SHISA9: variants seen among roughly 807,000 people sequenced by gnomAD.
The protein encoded by SHISA9 is shisa family member 9, also known as protein shisa-9.
A neutral mutation model predicts 38.0 loss-of-function variants in SHISA9; 13 were observed. The observed-to-expected ratio is 0.34, with a 90% CI of 0.22 to 0.54. SHISA9 has a LOEUF of 0.54. Among genes scored for constraint, SHISA9 ranks in the 20% least tolerant of loss-of-function variants. The pLI, the probability that SHISA9 is intolerant of heterozygous loss-of-function variation, is 0.91. For missense variants in SHISA9, 538 were observed against 575.8 expected, an observed-to-expected ratio of 0.93 and a Z score of 0.67; for synonymous variants, 275 against 242.0, an observed-to-expected ratio of 1.14 and a Z score of -1.27.
the SHISA9 span, among the ~76,000 whole-genome samples, chr16:13,457,012 A>C: frequency 6.6e-6 from 1 of 152,240 alleles, no homozygotes; most frequent in African/African-American, 2.4e-5. Context: ...CTGTAACTGT[A>C]ACAGCTTTTG....
At chr16:13,528,506 A>G in the SHISA9 span, among the ~76,000 whole-genome samples, 7 of 152,198 alleles carry the variant, frequency 4.6e-5, no homozygotes, top group African/African-American at 1.7e-4. Flanking sequence ...GGGTTACTGA[A>G]TTGAAATTCA....
the SHISA9 span, among the ~76,000 whole-genome samples, chr16:13,555,340 C>T: frequency 5.9e-5 from 9 of 152,076 alleles, no homozygotes; most frequent in South Asian, 1.7e-3. Flanking sequence ...CATATAGAAG[C>T]GTTTTTTGAT....
chr16:13,103,649 A>G (rs1359422478), intron 2 of SHISA9, among the ~76,000 whole-genome samples: 2 of 152,244 alleles, frequency 1.3e-5, no homozygotes, highest in Non-Finnish European at 2.9e-5. Flanking sequence ...ATTCACATAT[A>G]CAGGACTTCT....
chr16:13,379,565 C>G, the SHISA9 span, among the ~76,000 whole-genome samples: 2 of 152,178 alleles, frequency 1.3e-5, no homozygotes, highest in African/African-American at 4.8e-5. Flanking sequence ...CATTAGCTGC[C>G]AACTATATTT....
the SHISA9 span, among the ~76,000 whole-genome samples, chr16:13,287,795 T>A: frequency 8.5e-5 from 13 of 152,176 alleles, no homozygotes; most frequent in Non-Finnish European, 1.9e-4. Flanking sequence ...TGATAGTCAC[T>A]TTCACTAAGA....
chr16:13,442,131 G>A, the SHISA9 span, among the ~76,000 whole-genome samples: 1 of 152,188 alleles, frequency 6.6e-6, no homozygotes, highest in East Asian at 1.9e-4. Context: ...AAGTCTCCAA[G>A]AAAGGGCAGA....
chr16:13,203,244 G>A, intron 2 of SHISA9, 150 bp from the exon 3 acceptor site: 1 of 612,138 alleles, frequency 1.6e-6, no homozygotes, highest in Non-Finnish European at 2.5e-6. Flanking sequence ...ACTCAATTGT[G>A]TCCCATGTAT....
the SHISA9 span, among the ~76,000 whole-genome samples, chr16:13,557,766 G>A: frequency 3.7e-3 from 563 of 152,222 alleles, 3 homozygotes; most frequent in African/African-American, 0.012. Flanking sequence ...GGAGATGAAC[G>A]TGACTGTGCA....
intron 2 of SHISA9, among the ~76,000 whole-genome samples, chr16:13,144,461 C>T (rs1206100291): frequency 1.3e-5 from 2 of 151,952 alleles, no homozygotes; most frequent in Non-Finnish European, 2.9e-5. Flanking sequence ...GGGGCTAGTT[C>T]TTGAACATCA....
chr16:13,321,459 C>T, the SHISA9 span, among the ~76,000 whole-genome samples: 2 of 152,146 alleles, frequency 1.3e-5, no homozygotes, highest in Non-Finnish European at 2.9e-5. Flanking sequence ...TTCTGCTGTC[C>T]AGAAGTCATC....
chr16:13,257,464 T>C, the SHISA9 span, among the ~76,000 whole-genome samples: 2 of 152,230 alleles, frequency 1.3e-5, no homozygotes, highest in Admixed American at 1.3e-4. Context: ...TCGGGTATAC[T>C]GTCTACGCTC....
At chr16:12,970,334 T>C (rs1161598216) in intron 2 of SHISA9, among the ~76,000 whole-genome samples, 11 of 93,194 alleles carry the variant, frequency 1.2e-4, no homozygotes, top group East Asian at 9.5e-4. Context: ...TACATATATA[T>C]ATATATATAC....
chr16:13,375,633 C>G, the SHISA9 span, among the ~76,000 whole-genome samples: 1 of 151,500 alleles, frequency 6.6e-6, no homozygotes, highest in Non-Finnish European at 1.5e-5. Context: ...AAGAAAACAT[C>G]CAAAAAGAAA....
At chr16:13,213,189 G>A (rs773720157) in intron 3 of SHISA9, 64 bp from the exon 4 acceptor site, 86 of 1,443,634 alleles carry the variant, frequency 6.0e-5, no homozygotes, top group Middle Eastern at 5.2e-4. Context: ...TGGGTGTGAG[G>A]GCATAGTGAA....
rs991740366 is a variant in SHISA9 at position 12,939,717 on chromosome 16, T to A, written c.691+22902T>A. On this transcript the variant is annotated intron_variant, in intron 2 of 4. Coordinates refer to ENST00000558583, the MANE Select transcript of SHISA9 (RefSeq NM_001145204.3). ...TCTTTCCCCATCACCTGCCTCTCCCTGTCTATTGTGCTATTCAATGAAACA... is the reference window on the plus strand; with the variant it reads ...TCTTTCCCCATCACCTGCCTCTCCCAGTCTATTGTGCTATTCAATGAAACA... Among the ~76,000 whole-genome samples, 11 of 152,194 alleles carry A rather than the reference T, an allele frequency of 7.2e-5. 1 individual carries two copies. Among genetic ancestry groups the A allele is most frequent in the African/African-American group, 2.7e-4 (11 of 41,446 alleles).
the SHISA9 span, among the ~76,000 whole-genome samples, chr16:13,371,847 A>G: frequency 3.3e-5 from 5 of 152,202 alleles, no homozygotes; most frequent in Non-Finnish European, 7.3e-5. Flanking sequence ...AGGTGCCCCT[A>G]CTTTTCACTC....
chr16:13,312,579 A>G, the SHISA9 span, among the ~76,000 whole-genome samples: 1 of 152,244 alleles, frequency 6.6e-6, no homozygotes, highest in Non-Finnish European at 1.5e-5. Context: ...ACTACTGGAC[A>G]TCCCTTCAAA....
chr16:13,045,161 T>C (rs1257861275), intron 2 of SHISA9, among the ~76,000 whole-genome samples: 1 of 152,204 alleles, frequency 6.6e-6, no homozygotes, highest in African/African-American at 2.4e-5. Flanking sequence ...AGAAATGTAT[T>C]TAGGCTTAAA....
At chr16:13,108,395 G>T (rs181070171) in intron 2 of SHISA9, among the ~76,000 whole-genome samples, 1 of 152,060 alleles carries the variant, frequency 6.6e-6, no homozygotes, top group Non-Finnish European at 1.5e-5. Flanking sequence ...TTCCTGAGTC[G>T]CTGGGACTGC....
Sources: gnomAD v4.1 joint callset for allele counts (sites outside exome capture counted in the v4.1 genomes callset) on GRCh38, gnomAD v4.1.1 for gene constraint, MANE v1.5 for transcripts, NCBI Gene and HGNC (gene_info 2026-07-23, HGNC 2026-07-21) for gene names.